The following CDH20 variants were observed in gnomAD, a reference collection of about 807,000 sequenced individuals.
CDH20 encodes the protein cadherin 20, also known as cadherin-20.
CDH20 carries 29 observed loss-of-function variants against 74.2 expected under a neutral mutation model. The observed-to-expected ratio is 0.39, with a 90% CI of 0.29 to 0.53. The LOEUF (loss-of-function observed/expected upper bound fraction) is 0.53, where lower values mean the gene tolerates loss of function less well. Ranked by LOEUF, CDH20 falls within the 20% of genes least tolerant of loss-of-function variation. The probability of loss-of-function intolerance (pLI) is 0.69; values close to 1 mark genes in which losing one functional copy is unlikely to be tolerated. For synonymous variants in CDH20, 469 were observed against 405.4 expected (o/e 1.16, Z -1.88); for missense variants, 988 against 1,048.3 (o/e 0.94, Z 0.79).
At chr18:61,374,279 A>G (rs1360508648) in intron 1 of CDH20, among the ~76,000 whole-genome samples, 3 of 152,076 alleles carry the variant, frequency 2.0e-5, no homozygotes, top group Non-Finnish European at 2.9e-5. Flanking sequence ...ATAACTAACT[A>G]CACCTACCAT....
intron 1 of CDH20, among the ~76,000 whole-genome samples, chr18:61,372,465 T>C (rs1214543592): frequency 6.6e-6 from 1 of 152,060 alleles, no homozygotes; most frequent in African/African-American, 2.4e-5. Flanking sequence ...ACAAAAAATA[T>C]TCCTAGAAAT....
At chr18:61,540,885 G>T (rs764395391) in intron 9 of CDH20, among the ~76,000 whole-genome samples, 11 of 152,204 alleles carry the variant, frequency 7.2e-5, no homozygotes, top group Non-Finnish European at 1.0e-4. Flanking sequence ...CTCAGGGGAA[G>T]AAAGATGTTC....
chr18:61,500,256 G>T, intron 3 of CDH20, 127 bp from the exon 4 acceptor site: 1 of 874,600 alleles, frequency 1.1e-6, no homozygotes, highest in South Asian at 2.2e-5. Context: ...ATGGAAGCTT[G>T]ACCTAGAAAG....
At chr18:61,518,003 T>C (rs545634804) in intron 6 of CDH20, among the ~76,000 whole-genome samples, 1 of 152,230 alleles carries the variant, frequency 6.6e-6, no homozygotes, top group African/African-American at 2.4e-5. Context: ...AAAGCCACCA[T>C]GAAGTTCAAA....
chr18:61,406,528 A>C (rs893238846), intron 1 of CDH20, among the ~76,000 whole-genome samples: 2 of 152,222 alleles, frequency 1.3e-5, no homozygotes, highest in Non-Finnish European at 2.9e-5. Context: ...AGGACAGAAC[A>C]CTATAAATAA....
intron 1 of CDH20, among the ~76,000 whole-genome samples, chr18:61,339,756 T>C (rs1909882194): frequency 1.4e-5 from 2 of 146,430 alleles, no homozygotes; most frequent in Admixed American, 7.2e-5. Flanking sequence ...GGCATGATCT[T>C]GGCTCACTGC....
chr18:61,375,001 A>C (rs1911170516), intron 1 of CDH20, among the ~76,000 whole-genome samples: 1 of 152,194 alleles, frequency 6.6e-6, no homozygotes, highest in Non-Finnish European at 1.5e-5. Context: ...CTCATAGTGC[A>C]GGGTAAATCT....
At chr18:61,476,221 C>T (rs1486327309) in intron 1 of CDH20, among the ~76,000 whole-genome samples, 1 of 152,094 alleles carries the variant, frequency 6.6e-6, no homozygotes, top group African/African-American at 2.4e-5. Context: ...CACACCAGAG[C>T]CTTGATTGCA....
chr18:61,514,945 G>A (rs1478084586), intron 6 of CDH20, among the ~76,000 whole-genome samples: 1 of 151,480 alleles, frequency 6.6e-6, no homozygotes, highest in Admixed American at 6.6e-5. Flanking sequence ...GGTTACTGCT[G>A]TCTTTTTGTT....
chr18:61,517,417 T>TG (rs750973708), intron 6 of CDH20, among the ~76,000 whole-genome samples: 7 of 152,096 alleles, frequency 4.6e-5, no homozygotes, highest in Non-Finnish European at 1.0e-4. Context: ...GGTTAGATAG[T>TG]GGGTGCAGCC....
At chr18:61,377,893 T>A (rs1277930970) in intron 1 of CDH20, among the ~76,000 whole-genome samples, 1 of 152,144 alleles carries the variant, frequency 6.6e-6, no homozygotes, top group Non-Finnish European at 1.5e-5. Context: ...GTTCACATTC[T>A]GACAACTAAT....
At chr18:61,553,914 A>T (rs1331755350) in intron 11 of CDH20, among the ~76,000 whole-genome samples, 1 of 152,220 alleles carries the variant, frequency 6.6e-6, no homozygotes, top group Non-Finnish European at 1.5e-5. Context: ...ACACAATTTC[A>T]AAACAGCAAG....
At chr18:61,396,343 A>C (rs1911977267) in intron 1 of CDH20, among the ~76,000 whole-genome samples, 1 of 152,180 alleles carries the variant, frequency 6.6e-6, no homozygotes, top group African/African-American at 2.4e-5. Context: ...GAAATCAATA[A>C]TTTAATTTAC....
rs186010430 is a variant in CDH20, at chr18:61,343,415, T to G, written c.-153+9588T>G. Among the ~76,000 whole-genome samples the G allele has an allele frequency of 5.3e-5, 8 of 152,350 alleles. No homozygotes were observed. The East Asian group carries it at 1.5e-3, about 29-fold the overall frequency. ...CTAGATAAAATTTAACACCAACATGTGCCAGTGAGAAAAGCAAACAATGTA... is the reference window on the plus strand; with the variant it reads ...CTAGATAAAATTTAACACCAACATGGGCCAGTGAGAAAAGCAAACAATGTA... On this transcript the variant is annotated intron_variant, in intron 1 of 11. Coordinates refer to ENST00000262717, the MANE Select transcript of CDH20 (RefSeq NM_031891.4).
intron 1 of CDH20, among the ~76,000 whole-genome samples, chr18:61,462,448 C>A (rs1349390419): frequency 6.6e-6 from 1 of 151,912 alleles, no homozygotes; most frequent in African/African-American, 2.4e-5. Flanking sequence ...CTGCAAAGAC[C>A]CTATTTCCAA....
At chr18:61,460,326 C>T (rs1021809026) in intron 1 of CDH20, among the ~76,000 whole-genome samples, 1 of 152,176 alleles carries the variant, frequency 6.6e-6, no homozygotes, top group African/African-American at 2.4e-5. Flanking sequence ...GGAATGAACT[C>T]CTTTGGGTAC....
rs972682615 is a variant in CDH20, at chr18:61,554,576, C to G, written c.2287C>G (p.Leu763Val). 2 of 1,609,364 alleles carry G rather than the reference C, an allele frequency of 1.2e-6. No individual in the cohort carries two copies. The highest frequency in any genetic ancestry group is 1.3e-5 in the African/African-American group (1 of 74,896). ...DGSVAGSLSS[L>V]QSATSDSEQS... The stretch of plus-strand genomic sequence containing the variant: ...CTCTGTGGCGGGGTCGCTGAGCTCC[C>G]TGCAGTCGGCCACGTCGGACTCGGA... The change falls in exon 12 of 12, where the codon CTG (leucine) becomes GTG (valine). Residue 763 changes from leucine (L) to valine (V), a missense_variant. By Grantham distance (32) the Leu-to-Val change is conservative (BLOSUM62 1). This residue lies in a region of CDH20 where 375 missense variants were observed against 293.1 expected (regional missense o/e 1.28). Transcript: ENST00000262717.
At position 61,554,369 on chromosome 18, in the gene CDH20, G is replaced by A. The variant is rs770570723; in HGVS notation, c.2080G>A (p.Ala694Thr). ...WNPREAQAGA[A>T]PKTRQDMLPE... Reference sequence around the variant, plus strand: ...CCCCCGGGAGGCGCAGGCGGGGGCCGCCCCCAAGACGCGGCAGGACATGCT... The same window carrying A: ...CCCCCGGGAGGCGCAGGCGGGGGCCACCCCCAAGACGCGGCAGGACATGCT... Residue 694 changes from alanine to threonine, a missense_variant, in exon 12 of 12, where the codon GCC (alanine) becomes ACC (threonine). By Grantham distance (58) the Ala-to-Thr change is moderately conservative. Transcript: ENST00000262717. The A allele has an allele frequency of 1.9e-6, 3 of 1,612,868 alleles. No individual in the cohort carries two copies. The highest frequency in any genetic ancestry group is 2.5e-6 in the Non-Finnish European group (3 of 1,179,692).
At chr18:61,421,627 G>A (rs1328233734) in intron 1 of CDH20, among the ~76,000 whole-genome samples, 1 of 152,066 alleles carries the variant, frequency 6.6e-6, no homozygotes, top group Non-Finnish European at 1.5e-5. Flanking sequence ...TCTCAAAGTA[G>A]CCAGAAGATA....
Sources: allele counts gnomAD v4.1 joint callset (sites outside exome capture counted in the v4.1 genomes callset), GRCh38; gene constraint gnomAD v4.1.1; regional missense constraint gnomAD v4.1.1; transcripts MANE v1.5; gene names NCBI Gene and HGNC (gene_info 2026-07-23, HGNC 2026-07-21).